The following CNTNAP5 variants were observed in gnomAD, a reference collection of about 807,000 sequenced individuals.
CNTNAP5 encodes the protein contactin associated protein family member 5.
Under a neutral mutation model 150.2 loss-of-function variants are expected in CNTNAP5, and 72 were observed. The ratio of observed to expected loss-of-function variants is 0.48; its 90% CI spans 0.40 to 0.58. The LOEUF is 0.58. Ranked by LOEUF, CNTNAP5 falls within the 20% of genes least tolerant of loss-of-function variation. CNTNAP5 has a pLI of 0.00. For missense variants in CNTNAP5, 1,636 were observed against 1,626.2 expected (o/e 1.01, Z -0.10); for synonymous variants, 672 against 619.8 (o/e 1.08, Z -1.25).
chr2:124,665,551 A>G (rs2105050398), intron 13 of CNTNAP5, among the ~76,000 whole-genome samples: 1 of 152,260 alleles, frequency 6.6e-6, no homozygotes, highest in South Asian at 2.1e-4. Flanking sequence ...GCCCTCACAT[A>G]CGTGTGGATA....
intron 19 of CNTNAP5, among the ~76,000 whole-genome samples, chr2:124,864,085 A>G (rs891428647): frequency 6.6e-6 from 1 of 152,132 alleles, no homozygotes; most frequent in Non-Finnish European, 1.5e-5. Flanking sequence ...CTCAACTCTC[A>G]CAGCCAGTGA....
At chr2:124,338,238 G>T (rs1414609386) in intron 3 of CNTNAP5, among the ~76,000 whole-genome samples, 1 of 152,114 alleles carries the variant, frequency 6.6e-6, no homozygotes, top group Admixed American at 6.6e-5. Flanking sequence ...CTTTGCTGAA[G>T]TTGCTTATCA....
At chr2:124,818,322 C>T (rs1682411747) in intron 19 of CNTNAP5, among the ~76,000 whole-genome samples, 1 of 152,066 alleles carries the variant, frequency 6.6e-6, no homozygotes, top group South Asian at 2.1e-4. Flanking sequence ...GAGTTCAAGA[C>T]CAGCCTGGGA....
intron 17 of CNTNAP5, chr2:124,778,652 T>C (rs1681378925): frequency 6.5e-6 from 1 of 153,094 alleles, no homozygotes; most frequent in African/African-American, 2.4e-5. Context: ...GGAAGCAACT[T>C]AATGGAAGAA....
chr2:124,115,033 A>G (rs961119336), intron 1 of CNTNAP5, among the ~76,000 whole-genome samples: 1 of 152,000 alleles, frequency 6.6e-6, no homozygotes, highest in African/African-American at 2.4e-5. Flanking sequence ...TAGATACTAT[A>G]ATGATGTTAT....
At chr2:124,342,093 T>G (rs1325642662) in intron 3 of CNTNAP5, among the ~76,000 whole-genome samples, 2 of 152,098 alleles carry the variant, frequency 1.3e-5, no homozygotes, top group African/African-American at 4.8e-5. Flanking sequence ...ATGGGTATAT[T>G]ATAGTTTTCT....
intron 13 of CNTNAP5, among the ~76,000 whole-genome samples, chr2:124,664,014 G>A (rs1430025478): frequency 6.6e-6 from 1 of 152,044 alleles, no homozygotes; most frequent in Non-Finnish European, 1.5e-5. Context: ...AACAGTAACT[G>A]GGTCATATTT....
chr2:124,767,582 T>C (rs1429433695), intron 16 of CNTNAP5, among the ~76,000 whole-genome samples: 4 of 152,178 alleles, frequency 2.6e-5, no homozygotes, highest in Non-Finnish European at 5.9e-5. Flanking sequence ...CCAAGTGGGT[T>C]TGTGAGCTGC....
At chr2:124,796,585 C>A (rs779603322) in intron 18 of CNTNAP5, among the ~76,000 whole-genome samples, 12 of 152,160 alleles carry the variant, frequency 7.9e-5, no homozygotes, top group Non-Finnish European at 1.2e-4. Flanking sequence ...ATCTGCTAGG[C>A]AATATGCATA....
Position 124,304,350 on chromosome 2 carries a change from G to A in CNTNAP5, c.381+61957G>A, listed in dbSNP as rs559847462. On this transcript the variant is annotated intron_variant, in intron 3 of 23. Coordinates refer to ENST00000682447, the MANE Select transcript of CNTNAP5 (RefSeq NM_001367498.1). ...AGCACTAACATTTGTGCTAAGATAT[G>A]AAATATGAGAGGGGATAACCACAGG... 3.9e-5 allele frequency among the ~76,000 whole-genome samples: 6 copies of A among 152,108 alleles called. No homozygotes were observed. The South Asian group carries it at 1.2e-3, about 32-fold the overall frequency.
intron 1 of CNTNAP5, among the ~76,000 whole-genome samples, chr2:124,076,309 C>G (rs1246134547): frequency 6.6e-6 from 1 of 152,122 alleles, no homozygotes; most frequent in African/African-American, 2.4e-5. Context: ...CTACCTCCTG[C>G]TAATGACAGA....
intron 13 of CNTNAP5, among the ~76,000 whole-genome samples, chr2:124,703,102 CCTT>C (rs1461152592): frequency 6.8e-5 from 10 of 147,576 alleles, no homozygotes; most frequent in African/African-American, 2.5e-4. Flanking sequence ...AGCTTTCCTT[CCTT>C]CCTTCCTCCC....
intron 12 of CNTNAP5, among the ~76,000 whole-genome samples, chr2:124,628,001 C>A (rs1319221068): frequency 1.3e-5 from 2 of 151,940 alleles, no homozygotes; most frequent in Non-Finnish European, 2.9e-5. Context: ...ATAAGGCAGG[C>A]CAACAAGATT....
intron 5 of CNTNAP5, among the ~76,000 whole-genome samples, chr2:124,443,226 A>C (rs1692719948): frequency 6.7e-6 from 1 of 149,340 alleles, no homozygotes; most frequent in Admixed American, 6.7e-5. Context: ...CCTATATATC[A>C]TATATATGAT....
rs551596083 is a variant in CNTNAP5, at chr2:124,604,499, A to C, written c.1757-5302A>C. On this transcript the variant is annotated intron_variant, in intron 11 of 23. Coordinates refer to ENST00000682447, the MANE Select transcript of CNTNAP5 (RefSeq NM_001367498.1). ...TTGGGGCACCCTAGGGAAACATTTCAGCATTTCGAAACTGATGAATTAAAG... is the reference window on the plus strand; with the variant it reads ...TTGGGGCACCCTAGGGAAACATTTCCGCATTTCGAAACTGATGAATTAAAG... Among the ~76,000 whole-genome samples the C allele has an allele frequency of 4.6e-5, 7 of 152,330 alleles. No homozygotes were observed. The South Asian group carries it at 1.4e-3, about 32-fold the overall frequency.
chr2:124,075,101 A>T (rs1014206357), intron 1 of CNTNAP5, among the ~76,000 whole-genome samples: 29 of 152,264 alleles, frequency 1.9e-4, no homozygotes, highest in South Asian at 1.0e-3. Flanking sequence ...ATGAATAGGG[A>T]TATGAAAAAA....
intron 13 of CNTNAP5, among the ~76,000 whole-genome samples, chr2:124,675,687 A>G (rs942248674): frequency 3.9e-5 from 6 of 152,198 alleles, no homozygotes; most frequent in Admixed American, 3.9e-4. Flanking sequence ...ACATCTGTAT[A>G]TAAGCCCACT....
intron 2 of CNTNAP5, among the ~76,000 whole-genome samples, chr2:124,237,356 G>A (rs149284871): frequency 6.6e-6 from 1 of 152,238 alleles, no homozygotes; most frequent in African/African-American, 2.4e-5. Flanking sequence ...GTTAGAAGTG[G>A]AAATAAGTGT....
At chr2:124,176,557 A>G (rs1307138498) in intron 1 of CNTNAP5, among the ~76,000 whole-genome samples, 1 of 152,222 alleles carries the variant, frequency 6.6e-6, no homozygotes, top group Non-Finnish European at 1.5e-5. Context: ...TACATGACAC[A>G]GGAGCCTTCA....
Sources: allele counts gnomAD v4.1 joint callset (sites outside exome capture counted in the v4.1 genomes callset), GRCh38; gene constraint gnomAD v4.1.1; transcripts MANE v1.5; gene names NCBI Gene and HGNC (gene_info 2026-07-23, HGNC 2026-07-21).